Variants in SLC12A6 observed in about 807,000 individuals in gnomAD.
SLC12A6 encodes the protein solute carrier family 12 member 6.
SLC12A6 carries 66 observed loss-of-function variants against 135.3 expected under a neutral mutation model. The observed-to-expected ratio is 0.49, with a 90% CI of 0.40 to 0.60. The LOEUF (loss-of-function observed/expected upper bound fraction) is 0.60, where lower values mean the gene tolerates loss of function less well. Among genes scored for constraint, SLC12A6 ranks in the 20% least tolerant of loss-of-function variants. The pLI, the probability that SLC12A6 is intolerant of heterozygous loss-of-function variation, is 0.00. For missense variants in SLC12A6, 1,058 were observed against 1,452.3 expected, an observed-to-expected ratio of 0.73 and a Z score of 4.41; for synonymous variants, 513 against 508.8, an observed-to-expected ratio of 1.01 and a Z score of -0.11.
intron 2 of SLC12A6, among the ~76,000 whole-genome samples, chr15:34,297,426 C>T (rs1027106331): frequency 2.0e-5 from 3 of 152,170 alleles, no homozygotes; most frequent in Non-Finnish European, 2.9e-5. Flanking sequence ...AAATTTCCTA[C>T]TATCATCACA....
chr15:34,306,151 G>T (rs1240484331), intron 2 of SLC12A6, among the ~76,000 whole-genome samples: 3 of 152,208 alleles, frequency 2.0e-5, no homozygotes, highest in African/African-American at 7.2e-5. Context: ...CAGATGGGTT[G>T]TTTATCTTTG....
chr15:34,285,831 A>G (rs995662837), intron 2 of SLC12A6, among the ~76,000 whole-genome samples: 2 of 152,066 alleles, frequency 1.3e-5, no homozygotes, highest in African/African-American at 4.8e-5. Context: ...CTAGTCATAC[A>G]AAGGCAAATA....
At position 34,257,715 on chromosome 15, in the gene SLC12A6, A is replaced by G; in HGVS notation, c.617T>C (p.Leu206Ser). The G allele has an allele frequency of 1.9e-6, 3 of 1,605,334 alleles. No individual in the cohort carries two copies. The highest frequency in any genetic ancestry group is 2.6e-6 in the Non-Finnish European group (3 of 1,172,124). Residue 206 changes from leucine (L) to serine (S), a missense_variant, in exon 6 of 26, where the codon TTA becomes TCA. This residue lies in a region of SLC12A6 where 139 missense variants were observed against 202.2 expected (regional missense o/e 0.69). Coordinates refer to ENST00000354181, the MANE Select transcript of SLC12A6 (RefSeq NM_001365088.1). ...TGTGCCCACCACCCATGTAAGGCGTAAAAAAAGGATCACTCCAAAAATATT... is the reference window on the plus strand; with the variant it reads ...TGTGCCCACCACCCATGTAAGGCGTGAAAAAAGGATCACTCCAAAAATATT... Reference protein sequence around the residue: ...LQNIFGVILFLRLTWVVGTAG... With the variant: ...LQNIFGVILFSRLTWVVGTAG...
chr15:34,324,590 T>C (rs915996175), intron 2 of SLC12A6, among the ~76,000 whole-genome samples: 3 of 151,370 alleles, frequency 2.0e-5, no homozygotes, highest in Non-Finnish European at 1.5e-5. Context: ...ATAACCACTG[T>C]TCTGTTTTAT....
intron 2 of SLC12A6, among the ~76,000 whole-genome samples, chr15:34,324,112 C>T (rs1270244303): frequency 6.6e-6 from 1 of 151,896 alleles, no homozygotes; most frequent in East Asian, 1.9e-4. Context: ...GAAATAAAAG[C>T]GTAAGTCCAC....
At chr15:34,290,586 C>T (rs1261852161) in intron 2 of SLC12A6, among the ~76,000 whole-genome samples, 1 of 152,112 alleles carries the variant, frequency 6.6e-6, no homozygotes, top group Non-Finnish European at 1.5e-5. Flanking sequence ...GTTAAAGTCT[C>T]CCATTGTTAC....
At chr15:34,292,055 A>C (rs1173641323) in intron 2 of SLC12A6, among the ~76,000 whole-genome samples, 1 of 152,160 alleles carries the variant, frequency 6.6e-6, no homozygotes, top group Non-Finnish European at 1.5e-5. Context: ...TCTTTGGAGA[A>C]GAAGAGGCAT....
In SLC12A6 at chr15:34,229,804, G is replaced by A. The variant is rs756456891; in HGVS notation, c.*4077C>T. 3.1e-6 allele frequency: 5 copies of A among 1,612,342 alleles called. No homozygotes were observed. The highest frequency in any genetic ancestry group is 1.7e-5 in the Admixed American group (1 of 59,944). On this transcript the variant is annotated 3_prime_UTR_variant, in exon 26 of 26. Coordinates refer to ENST00000354181, the MANE Select transcript of SLC12A6 (RefSeq NM_001365088.1). ...GCTTTTGTGAACATGAGAAAGCAGC[G>A]CCTGGTCCCTATGTATTTGGGTCTT...
At position 34,236,780 on chromosome 15, in the gene SLC12A6, G is replaced by A. The variant is rs1312251720; in HGVS notation, c.2970C>T (p.Arg990=). 1 of 1,612,232 alleles carries A rather than the reference G, an allele frequency of 6.2e-7. No individual in the cohort carries two copies. The highest frequency in any genetic ancestry group is 8.5e-7 in the Non-Finnish European group (1 of 1,178,278). Residue 990 remains arginine (R), a synonymous_variant, in exon 23 of 26, where the codon CGC becomes CGT. Transcript: ENST00000354181. Reference sequence around the variant, plus strand: ...GGGACCTTTGTTCCATCATCAAAGTGCGCTCGTAAGTATATGCTGATATAT... The same window carrying A: ...GGGACCTTTGTTCCATCATCAAAGTACGCTCGTAAGTATATGCTGATATAT... ...DSDISAYTYE[R]TLMMEQRSQM...
At position 34,275,253 on chromosome 15, in the gene SLC12A6, G is replaced by A. The variant is rs1049192270; in HGVS notation, c.316+92C>T. ...GTGGGAAGTAGAAAAGGAGGGGATA[G>A]AAAATAGAATCAGAGAAGGGAGTAA... is the stretch of plus-strand genomic sequence containing the variant. On this transcript the variant is annotated intron_variant, in intron 3 of 25. Transcript: ENST00000354181. 4.2e-6 allele frequency: 3 copies of A among 720,066 alleles called. No homozygotes were observed. The African/African-American group carries it at 5.2e-5, about 13-fold the overall frequency. The allele number at this position is 720,066 out of a possible 1,614,324, so 44.6% of individuals were successfully genotyped here.
At chr15:34,330,196 AC>A (rs769931894) in intron 2 of SLC12A6, among the ~76,000 whole-genome samples, 2 of 152,090 alleles carry the variant, frequency 1.3e-5, no homozygotes, top group Non-Finnish European at 2.9e-5. Flanking sequence ...TTTATCTGTA[AC>A]AGCTTTCCCT....
chr15:34,321,080 T>C (rs1291159780), intron 2 of SLC12A6, among the ~76,000 whole-genome samples: 1 of 152,026 alleles, frequency 6.6e-6, no homozygotes, highest in Non-Finnish European at 1.5e-5. Context: ...AACAGAAACA[T>C]TAGACTAAGA....
intron 3 of SLC12A6, among the ~76,000 whole-genome samples, chr15:34,264,737 G>C (rs906542043): frequency 6.6e-6 from 1 of 151,984 alleles, no homozygotes; most frequent in Non-Finnish European, 1.5e-5. Context: ...AATTAGGTAG[G>C]GTCTTCAAAA....
chr15:34,240,911 A>G (rs1385600386), intron 18 of SLC12A6, 82 bp from the exon 19 acceptor site: 1 of 1,041,238 alleles, frequency 9.6e-7, no homozygotes, highest in Non-Finnish European at 1.5e-6. Context: ...CCACCCTTTA[A>G]TTCAGGAGAT....
intron 2 of SLC12A6, among the ~76,000 whole-genome samples, chr15:34,300,179 C>T (rs578261162): frequency 2.6e-5 from 4 of 152,016 alleles, no homozygotes; most frequent in South Asian, 4.2e-4. Context: ...CAATATTGAA[C>T]GACAACAAGG....
chr15:34,286,610 C>A (rs916963113), intron 2 of SLC12A6, among the ~76,000 whole-genome samples: 1 of 151,718 alleles, frequency 6.6e-6, no homozygotes, highest in African/African-American at 2.4e-5. Context: ...GACTGGCCAG[C>A]ATGGTGAAAC....
At chr15:34,334,070 C>CAAA (rs142330391) in intron 2 of SLC12A6, among the ~76,000 whole-genome samples, 2 of 80,098 alleles carry the variant, frequency 2.5e-5, no homozygotes, top group African/African-American at 4.8e-5. Context: ...AACTCCATCT[C>CAAA]AAAAAAAAAA....
At chr15:34,246,693 C>T (rs748967572) in intron 13 of SLC12A6, among the ~76,000 whole-genome samples, 8 of 151,850 alleles carry the variant, frequency 5.3e-5, no homozygotes, top group Non-Finnish European at 1.0e-4. Context: ...GTTGCCAAGG[C>T]TGGAGTACAG....
intron 2 of SLC12A6, among the ~76,000 whole-genome samples, chr15:34,319,798 A>G (rs974178814): frequency 3.1e-4 from 46 of 146,234 alleles, no homozygotes; most frequent in African/African-American, 1.1e-3. Context: ...GACTCTGTCT[A>G]AAAAAAAAAA....
Sources: allele counts gnomAD v4.1 joint callset (sites outside exome capture counted in the v4.1 genomes callset), GRCh38; gene constraint gnomAD v4.1.1; regional missense constraint gnomAD v4.1.1; transcripts MANE v1.5; gene names NCBI Gene and HGNC (gene_info 2026-07-23, HGNC 2026-07-21).